Variants in SPATA31D1 observed in about 807,000 individuals in gnomAD.
SPATA31D1 encodes spermatogenesis-associated protein 31D1.
In SPATA31D1, 6 loss-of-function variants were observed where a neutral mutation model predicts 13.2. The ratio of observed to expected loss-of-function variants is 0.46; its 90% CI spans 0.25 to 0.90. SPATA31D1 has a LOEUF of 0.90. Ranked by LOEUF, SPATA31D1 falls within the 40% of genes least tolerant of loss-of-function variation. SPATA31D1 has a pLI of 0.18. For synonymous variants in SPATA31D1, 903 were observed against 718.8 expected (o/e 1.26, Z -4.10); for missense variants, 2,445 against 1,884.7 (o/e 1.30, Z -5.50).
In SPATA31D1 at chr9:81,991,576, C is replaced by T. The variant is rs766781161; in HGVS notation, c.1106C>T (p.Ser369Phe). 1.4e-5 allele frequency: 22 copies of T among 1,613,874 alleles called. No homozygotes were observed. The highest frequency in any genetic ancestry group is 1.8e-5 in the Non-Finnish European group (21 of 1,179,906). Residue 369 changes from serine (S) to phenylalanine (F), a missense_variant, in exon 4 of 4, where the codon TCT (serine) becomes TTT (phenylalanine). By Grantham distance (155) the Ser-to-Phe change is radical (BLOSUM62 -2). Coordinates refer to ENST00000344803, the MANE Select transcript of SPATA31D1 (RefSeq NM_001001670.3). ...WQPHAKDSFS[S>F]NFVPSDFMEE... ...CCTCATGCCAAGGACTCTTTTTCCT[C>T]TAATTTTGTGCCATCTGATTTCATG...
rs536690216 is a variant in SPATA31D1 at position 81,994,097 on chromosome 9, G to C, written c.3627G>C (p.Lys1209Asn). ...YLKNQMLSQL[K>N]LVQRKHSQPQ... ...AAAATCAGATGTTGAGCCAGTTAAA[G>C]TTGGTCCAGAGGAAGCATAGCCAAC... Residue 1209 changes from lysine to asparagine, a missense_variant, in exon 4 of 4, where the codon AAG (lysine) becomes AAC (asparagine). Physicochemically the swap from Lys to Asn is moderately conservative, Grantham distance 94. Transcript: ENST00000344803. The C allele has an allele frequency of 1.9e-6, 3 of 1,613,764 alleles. No individual in the cohort carries two copies. Among genetic ancestry groups the C allele is most frequent in the Non-Finnish European group, 2.5e-6 (3 of 1,179,838 alleles).
rs752965070 is a variant in SPATA31D1 at position 81,992,335 on chromosome 9, A to G, written c.1865A>G (p.Asn622Ser). The G allele has an allele frequency of 1.9e-6, 3 of 1,613,700 alleles. No individual in the cohort carries two copies. Among genetic ancestry groups the G allele is most frequent in the Admixed American group, 1.7e-5 (1 of 59,998 alleles). Residue 622 changes from asparagine to serine, a missense_variant, in exon 4 of 4, where the codon AAC (asparagine) becomes AGC (serine). By Grantham distance (46) the Asn-to-Ser change is conservative. Coordinates refer to ENST00000344803, the MANE Select transcript of SPATA31D1 (RefSeq NM_001001670.3). Reference protein sequence around the residue: ...EARSLLPSEINHLEWNVLQKV... With the variant: ...EARSLLPSEISHLEWNVLQKV... ...CGGTCTCTTTTGCCATCTGAAATTA[A>G]CCATCTGGAGTGGAACGTGTTGCAG...
In SPATA31D1 at chr9:81,992,317, T is replaced by C; in HGVS notation, c.1847T>C (p.Leu616Pro). The C allele has an allele frequency of 6.2e-7, 1 of 1,613,816 alleles. No individual in the cohort carries two copies. Among genetic ancestry groups the C allele is most frequent in the Non-Finnish European group, 8.5e-7 (1 of 1,179,736 alleles). ...FHRPQNEARS[L>P]LPSEINHLEW... ...AGACCCCAGAACGAGGCACGGTCTC[T>C]TTTGCCATCTGAAATTAACCATCTG... is the stretch of plus-strand genomic sequence containing the variant. The change falls in exon 4 of 4, where the codon CTT becomes CCT. Residue 616 changes from leucine (L) to proline (P), a missense_variant. Transcript: ENST00000344803.
In SPATA31D1 at chr9:81,993,170, A is replaced by G. The variant is rs764328117; in HGVS notation, c.2700A>G (p.Gln900=). 3.1e-6 allele frequency: 5 copies of G among 1,613,994 alleles called. No individual in the cohort carries two copies. The South Asian group carries it at 4.4e-5, about 14-fold the overall frequency. ...TTTCCTTCCTTAGTTCCAACAAACA[A>G]AAGATGTTGGAAGCCCATATTAAAA... ...QEISFLSSNK[Q]KMLEAHIKTF... The change falls in exon 4 of 4, where the codon CAA becomes CAG. Residue 900 remains glutamine (Q), a synonymous_variant. Coordinates refer to ENST00000344803, the MANE Select transcript of SPATA31D1 (RefSeq NM_001001670.3).
chr9:81,993,284 C>G lies in SPATA31D1; in HGVS notation c.2814C>G (p.Ser938=). 1 of 1,614,000 alleles carries G rather than the reference C, an allele frequency of 6.2e-7. No individual in the cohort carries two copies. The change falls in exon 4 of 4, where the codon TCC becomes TCG. Residue 938 remains serine, a synonymous_variant. Transcript: ENST00000344803. ...AATCGAAAGCGGACCTTTCCACTTC[C>G]TTTTCCCATTTCGACCTTCCCTCCT... The part of the protein sequence containing the change: ...IFKSKADLST[S]FSHFDLPSSA...
chr9:81,994,667 T>C lies in SPATA31D1; in HGVS notation c.4197T>C (p.Thr1399=), dbSNP rs1354843051. The C allele has an allele frequency of 6.2e-7, 1 of 1,613,462 alleles. No individual in the cohort carries two copies. The highest frequency in any genetic ancestry group is 1.7e-5 in the Admixed American group (1 of 59,946). Residue 1399 remains threonine (T), a synonymous_variant, in exon 4 of 4, where the codon ACT becomes ACC. Transcript: ENST00000344803. ...GRVIRAAFTG[T]TEAQKIRKDT... ...TTATAAGAGCTGCCTTTACTGGGAC[T>C]ACTGAAGCTCAGAAAATTAGGAAAG...
rs752032632 is a variant in SPATA31D1, at chr9:81,991,584, G to C, written c.1114G>C (p.Val372Leu). 19 of 1,613,812 alleles carry C rather than the reference G, an allele frequency of 1.2e-5. No individual in the cohort carries two copies. Among genetic ancestry groups the C allele is most frequent in the Non-Finnish European group, 5.1e-6 (6 of 1,179,892 alleles). ...HAKDSFSSNF[V>L]PSDFMEELLT... ...CAAGGACTCTTTTTCCTCTAATTTT[G>C]TGCCATCTGATTTCATGGAGGAGCT... is the stretch of plus-strand genomic sequence containing the variant. Residue 372 changes from valine to leucine, a missense_variant, in exon 4 of 4, where the codon GTG becomes CTG. Physicochemically the swap from Val to Leu is conservative, Grantham distance 32 (BLOSUM62 1). Transcript: ENST00000344803.
chr9:81,991,893 G>C lies in SPATA31D1; in HGVS notation c.1423G>C (p.Gly475Arg), dbSNP rs1824973291. ...ATCCTTTCCTTTTTGGGCCAGTAAAGGCAAACTAGAATGGCAGCACATCCA... is the reference window on the plus strand; with the variant it reads ...ATCCTTTCCTTTTTGGGCCAGTAAACGCAAACTAGAATGGCAGCACATCCA... ...AESFPFWASK[G>R]KLEWQHIHQQ... The change falls in exon 4 of 4, where the codon GGC becomes CGC. Residue 475 changes from glycine (G) to arginine (R), a missense_variant. Gly to Arg is a moderately radical substitution (Grantham distance 125, BLOSUM62 -2). Transcript: ENST00000344803. The C allele has an allele frequency of 6.2e-7, 1 of 1,613,600 alleles. No individual in the cohort carries two copies. Among genetic ancestry groups the C allele is most frequent in the African/African-American group, 1.3e-5 (1 of 74,890 alleles).
rs760991133 is a variant in SPATA31D1, at chr9:81,988,893, C to T, written c.75C>T (p.Ile25=). The change falls in exon 1 of 4, where the codon ATC becomes ATT. Residue 25 remains isoleucine, a synonymous_variant. Transcript: ENST00000344803. The stretch of plus-strand genomic sequence containing the variant: ...GCCCTGACTCACATTGGTTGGATAT[C>T]GACCCCAACTTCATCTGCTTGAGTG... The part of the protein sequence containing the change: ...GLSPDSHWLD[I]DPNFICLSGL... 1.9e-5 allele frequency: 30 copies of T among 1,612,736 alleles called. No homozygotes were observed. Among genetic ancestry groups the T allele is most frequent in the Middle Eastern group, 1.9e-4 (1 of 5,390 alleles).
In SPATA31D1 at chr9:81,993,140, G is replaced by T. The variant is rs1825013965; in HGVS notation, c.2670G>T (p.Gln890His). 2.5e-6 allele frequency: 4 copies of T among 1,613,828 alleles called. No homozygotes were observed. The South Asian group carries it at 3.3e-5, about 13-fold the overall frequency. Residue 890 changes from glutamine to histidine, a missense_variant, in exon 4 of 4, where the codon CAG (glutamine) becomes CAT (histidine). Coordinates refer to ENST00000344803, the MANE Select transcript of SPATA31D1 (RefSeq NM_001001670.3). ...AGGACCACTGCGTTGATACTTCCCA[G>T]GAAATTTCCTTCCTTAGTTCCAACA... is the stretch of plus-strand genomic sequence containing the variant. The part of the protein sequence containing the change: ...VSEDHCVDTS[Q>H]EISFLSSNKQ...
At position 81,991,053 on chromosome 9, in the gene SPATA31D1, C is replaced by T. The variant is rs749270212; in HGVS notation, c.583C>T (p.Pro195Ser). The change falls in exon 4 of 4, where the codon CCA becomes TCA. Residue 195 changes from proline (P) to serine (S), a missense_variant. Transcript: ENST00000344803. ...ILSPRPKASP[P>S]PPLILSPDLI... ...GTCCCCTCGGCCTAAGGCCTCTCCA[C>T]CACCCCCCTTAATTCTCTCACCTGA... 6.2e-7 allele frequency: 1 copy of T among 1,613,714 alleles called. No homozygotes were observed. Among genetic ancestry groups the T allele is most frequent in the Admixed American group, 1.7e-5 (1 of 60,018 alleles).
chr9:81,990,813 C>A lies in SPATA31D1; in HGVS notation c.343C>A (p.His115Asn). 1.2e-6 allele frequency: 2 copies of A among 1,613,530 alleles called. No homozygotes were observed. The highest frequency in any genetic ancestry group is 1.7e-6 in the Non-Finnish European group (2 of 1,179,670). ...PVSCSPRGQHHDTNHFRRLLC... is the reference protein window; with the variant it reads ...PVSCSPRGQHNDTNHFRRLLC... ...TTCCTGCAGTCCTCGGGGCCAGCAT[C>A]ATGATACCAACCACTTTCGTCGACT... Residue 115 changes from histidine to asparagine, a missense_variant, in exon 4 of 4, where the codon CAT becomes AAT. Coordinates refer to ENST00000344803, the MANE Select transcript of SPATA31D1 (RefSeq NM_001001670.3).
rs1824986080 is a variant in SPATA31D1, at chr9:81,992,248, C to T, written c.1778C>T (p.Pro593Leu). The T allele has an allele frequency of 3.7e-6, 6 of 1,613,786 alleles. No individual in the cohort carries two copies. The highest frequency in any genetic ancestry group is 1.3e-5 in the African/African-American group (1 of 75,034). The change falls in exon 4 of 4, where the codon CCT becomes CTT. Residue 593 changes from proline (P) to leucine (L), a missense_variant. Physicochemically the swap from Pro to Leu is moderately conservative, Grantham distance 98. Coordinates refer to ENST00000344803, the MANE Select transcript of SPATA31D1 (RefSeq NM_001001670.3). ...QPQSPFRALL[P>L]SPLFLIRICG... is the part of the protein sequence containing the mutation. ...CAATCTCCATTCCGAGCCCTACTAC[C>T]TAGTCCTCTATTCCTGATTAGGATC... is the stretch of plus-strand genomic sequence containing the variant.
chr9:81,987,775 A>T (rs1389097139), upstream of SPATA31D1, among the ~76,000 whole-genome samples: 1 of 152,220 alleles, frequency 6.6e-6, no homozygotes, highest in Non-Finnish European at 1.5e-5. Context: ...ATCAGTTTAC[A>T]GGATAGGCGA....
chr9:81,993,791 G>T lies in SPATA31D1; in HGVS notation c.3321G>T (p.Leu1107=), dbSNP rs1180649638. 15 of 1,613,890 alleles carry T rather than the reference G, an allele frequency of 9.3e-6. No homozygotes were observed. The highest frequency in any genetic ancestry group is 1.1e-5 in the South Asian group (1 of 91,088). Reference sequence around the variant, plus strand: ...AAGTCAGTCAGAAACAGACTGTACTGGCCAGTAGATGCAGCGCAGAGCTGC... The same window carrying T: ...AAGTCAGTCAGAAACAGACTGTACTTGCCAGTAGATGCAGCGCAGAGCTGC... ...VDEVSQKQTV[L]ASRCSAELPI... The change falls in exon 4 of 4, where the codon CTG becomes CTT. Residue 1107 remains leucine, a synonymous_variant. Coordinates refer to ENST00000344803, the MANE Select transcript of SPATA31D1 (RefSeq NM_001001670.3).
chr9:81,994,488 T>G lies in SPATA31D1; in HGVS notation c.4018T>G (p.Leu1340Val), dbSNP rs1248075050. ...GCTTGGGAGCAAATCTTCCCCAACC[T>G]TGAAAACACAGCCTCCTCCTGAAAA... is the stretch of plus-strand genomic sequence containing the variant. Reference protein sequence around the residue: ...EVLGSKSSPTLKTQPPPENLF... With the variant: ...EVLGSKSSPTVKTQPPPENLF... The change falls in exon 4 of 4, where the codon TTG (leucine) becomes GTG (valine). Residue 1340 changes from leucine to valine, a missense_variant. Physicochemically the swap from Leu to Val is conservative, Grantham distance 32. Coordinates refer to ENST00000344803, the MANE Select transcript of SPATA31D1 (RefSeq NM_001001670.3). 1 of 1,613,454 alleles carries G rather than the reference T, an allele frequency of 6.2e-7. No individual in the cohort carries two copies. The highest frequency in any genetic ancestry group is 1.7e-5 in the Admixed American group (1 of 59,958).
chr9:81,990,199 CGTG>C, intron 2 of SPATA31D1: 2 of 530,994 alleles, frequency 3.8e-6, no homozygotes, highest in Non-Finnish European at 6.6e-6. Context: ...CTGTGTTTCA[CGTG>C]GTGGTTTTGA....
At position 81,993,979 on chromosome 9, in the gene SPATA31D1, C is replaced by T. The variant is rs758789167; in HGVS notation, c.3509C>T (p.Ser1170Leu). ...ACAACCAGCAAGTCAGGAAGCTGCTCACTGACAAATGTGAAAGCAAGCACT... is the reference window on the plus strand; with the variant it reads ...ACAACCAGCAAGTCAGGAAGCTGCTTACTGACAAATGTGAAAGCAAGCACT... ...NLTTSKSGSC[S>L]LTNVKASTSN... is the part of the protein sequence containing the mutation. The change falls in exon 4 of 4, where the codon TCA becomes TTA. Residue 1170 changes from serine (S) to leucine (L), a missense_variant. Physicochemically the swap from Ser to Leu is moderately radical, Grantham distance 145. Transcript: ENST00000344803. 1.4e-5 allele frequency: 22 copies of T among 1,613,704 alleles called. No homozygotes were observed. Among genetic ancestry groups the T allele is most frequent in the Non-Finnish European group, 1.8e-5 (21 of 1,179,784 alleles).
At position 81,995,100 on chromosome 9, in the gene SPATA31D1, A is replaced by G; in HGVS notation, c.4630A>G (p.Thr1544Ala). The stretch of plus-strand genomic sequence containing the variant: ...CAGCCTGGTGTGTCCAGCCGTCCCA[A>G]CCAGTGCTAAAAGCCCTGTGTTTAG... ...QVSLVCPAVP[T>A]SAKSPVFSDV... is the part of the protein sequence containing the mutation. The change falls in exon 4 of 4, where the codon ACC (threonine) becomes GCC (alanine). Residue 1544 changes from threonine (T) to alanine (A), a missense_variant. By Grantham distance (58) the Thr-to-Ala change is moderately conservative. Transcript: ENST00000344803. The G allele has an allele frequency of 1.9e-6, 3 of 1,610,090 alleles. No individual in the cohort carries two copies. Among genetic ancestry groups the G allele is most frequent in the Middle Eastern group, 1.7e-4 (1 of 6,056 alleles).
Sources: allele counts gnomAD v4.1 joint callset (sites outside exome capture counted in the v4.1 genomes callset), GRCh38; gene constraint gnomAD v4.1.1; transcripts MANE v1.5; gene names NCBI Gene and HGNC (gene_info 2026-07-23, HGNC 2026-07-21).